LRRFIP1: variants seen among roughly 807,000 people sequenced by gnomAD.
LRRFIP1 encodes the protein leucine-rich repeat flightless-interacting protein 1.
A neutral mutation model predicts 104.4 loss-of-function variants in LRRFIP1; 62 were observed. The observed-to-expected ratio is 0.59, with a 90% confidence interval of 0.48 to 0.73. The LOEUF (loss-of-function observed/expected upper bound fraction) is 0.73. LRRFIP1 is among the 30% of genes least tolerant of loss of function. LRRFIP1 has a pLI of 0.00. For missense variants in LRRFIP1, 796 were observed against 824.5 expected, an observed-to-expected ratio of 0.97 and a Z score of 0.42; for synonymous variants, 300 against 299.0, an observed-to-expected ratio of 1.00 and a Z score of -0.03.
intron 21 of LRRFIP1, 197 bp from the exon 22 acceptor site, chr2:237,772,669 C>T (rs1441939749): frequency 1.0e-5 from 6 of 594,600 alleles, no homozygotes; most frequent in Admixed American, 3.1e-5. Flanking sequence ...AGCACAGGGG[C>T]GGAAGGCACT....
Position 237,735,521 on chromosome 2 carries a change from T to G in LRRFIP1, c.555+188T>G. 1 of 572,758 alleles carries G rather than the reference T, an allele frequency of 1.7e-6. No homozygotes were observed. Among genetic ancestry groups the G allele is most frequent in the Non-Finnish European group, 3.0e-6 (1 of 328,234 alleles). The allele number at this position is 572,758 out of a possible 1,614,324, so 35.5% of individuals were successfully genotyped here. ...TAATGTGAATCAGGAAACCTCTGGT[T>G]GTTGGTTTCATGTCCTCACTCATCA... On this transcript the variant is annotated intron_variant, in intron 10 of 23. Transcript: ENST00000308482. The surrounding 1 kb of genome is among the most constrained non-coding windows in gnomAD (Gnocchi z 4.6).
In LRRFIP1 at chr2:237,766,057, C is replaced by A; in HGVS notation, c.1460-3886C>A. 1 of 305,776 alleles carries A rather than the reference C, an allele frequency of 3.3e-6. No homozygotes were observed. Among genetic ancestry groups the A allele is most frequent in the Non-Finnish European group, 4.8e-6 (1 of 208,766 alleles). 18.9% of individuals were successfully genotyped at this position (305,776 alleles called of 1,614,324 possible). On this transcript the variant is annotated intron_variant, in intron 19 of 23. Transcript: ENST00000308482. The surrounding 1 kb of genome is among the most constrained non-coding windows in gnomAD (Gnocchi z 4.8). The stretch of plus-strand genomic sequence containing the variant: ...AAGACCCACGCCTGATGCCCTCCCT[C>A]AGTAAGGAATGCACTTCCCTCCTGG...
chr2:237,770,455 C>T (rs75184123), intron 20 of LRRFIP1: 1,940 of 165,384 alleles, frequency 0.012, 32 homozygotes, highest in African/African-American at 0.044. Flanking sequence ...TACAGCTAAA[C>T]AAAGTTGTTT....
intron 23 of LRRFIP1, 66 bp from the exon 24 acceptor site, chr2:237,779,356 A>G: frequency 6.4e-7 from 1 of 1,569,680 alleles, no homozygotes; most frequent in Non-Finnish European, 8.7e-7. Context: ...TTTCGGTAAC[A>G]CAGAACCCTG....
At chr2:237,754,823 A>T (rs3754708) in intron 15 of LRRFIP1, among the ~76,000 whole-genome samples, 33,940 of 152,050 alleles carry the variant, frequency 0.22, 4,304 homozygotes, top group East Asian at 0.53. Flanking sequence ...TGTAATGCAT[A>T]TGCATTCCTC....
chr2:237,752,315 A>T (rs1162912956), intron 14 of LRRFIP1, among the ~76,000 whole-genome samples: 1 of 152,242 alleles, frequency 6.6e-6, no homozygotes, highest in African/African-American at 2.4e-5. Context: ...CTGAGTCAGG[A>T]GAATCACTTG....
intron 1 of LRRFIP1, among the ~76,000 whole-genome samples, chr2:237,670,261 G>A (rs1178444086): frequency 6.6e-6 from 1 of 152,238 alleles, no homozygotes; most frequent in Non-Finnish European, 1.5e-5. Flanking sequence ...ACACCTCGGT[G>A]TGTCCCTTGG....
At chr2:237,700,545 A>G (rs140465051) in intron 1 of LRRFIP1, among the ~76,000 whole-genome samples, 1 of 152,314 alleles carries the variant, frequency 6.6e-6, no homozygotes, top group African/African-American at 2.4e-5. Context: ...GCGAAAATGA[A>G]TGTGTGTAAT....
intron 10 of LRRFIP1, among the ~76,000 whole-genome samples, chr2:237,736,889 G>A (rs1483087041): frequency 6.6e-6 from 1 of 152,140 alleles, no homozygotes; most frequent in Admixed American, 6.5e-5. Flanking sequence ...CCCTCCAAGT[G>A]GATACTCCGT....
At chr2:237,722,474 A>C (rs1006738951) in intron 6 of LRRFIP1, among the ~76,000 whole-genome samples, 89 of 152,176 alleles carry the variant, frequency 5.8e-4, no homozygotes, top group African/African-American at 1.9e-3. Flanking sequence ...TTCATTTTCA[A>C]TGATTTTTAA....
intron 15 of LRRFIP1, among the ~76,000 whole-genome samples, chr2:237,755,098 C>G (rs1282853760): frequency 6.6e-6 from 1 of 152,188 alleles, no homozygotes; most frequent in Non-Finnish European, 1.5e-5. Context: ...AAGGAGCGTC[C>G]TGCAGGCCTG....
intron 1 of LRRFIP1, among the ~76,000 whole-genome samples, chr2:237,675,095 C>T (rs1048952175): frequency 4.6e-5 from 7 of 152,248 alleles, no homozygotes; most frequent in Non-Finnish European, 7.3e-5. Flanking sequence ...TAGTGTTTTT[C>T]ACACGCCCAG....
Position 237,661,043 on chromosome 2 carries a change from G to T in LRRFIP1, c.96+33303G>T, listed in dbSNP as rs2087829996. ...GGCTCCAGAGGCACGCAGTCCCTGT[G>T]CCCCGAGAAACTAACATGCCATCTC... On this transcript the variant is annotated intron_variant, in intron 1 of 23. Transcript: ENST00000308482. This position sits in a 1 kb window ranked among gnomAD's most constrained non-coding sequence, Gnocchi z 4.4. Among the ~76,000 whole-genome samples, 1 of 152,150 alleles carries T rather than the reference G, an allele frequency of 6.6e-6. No homozygotes were observed. Among genetic ancestry groups the T allele is most frequent in the African/African-American group, 2.4e-5 (1 of 41,428 alleles).
chr2:237,648,954 G>T (rs1040015001), intron 1 of LRRFIP1, among the ~76,000 whole-genome samples: 2 of 151,982 alleles, frequency 1.3e-5, no homozygotes, highest in Non-Finnish European at 2.9e-5. Flanking sequence ...TGCAATGCAT[G>T]TGTCAGTCCC....
intron 19 of LRRFIP1, among the ~76,000 whole-genome samples, 156 bp downstream of exon 19, chr2:237,760,361 C>G (rs145427881): frequency 1.3e-5 from 2 of 152,216 alleles, no homozygotes; most frequent in Admixed American, 6.5e-5. Context: ...CTTGCCCACC[C>G]GGTGTGGTCA....
chr2:237,628,304 G>A (rs148053703), intron 1 of LRRFIP1, among the ~76,000 whole-genome samples: 2 of 152,226 alleles, frequency 1.3e-5, no homozygotes, highest in Non-Finnish European at 1.5e-5. Flanking sequence ...CCTGGAAACG[G>A]GTCCAGGCAC....
At chr2:237,744,858 C>T (rs1023248710) in intron 11 of LRRFIP1, among the ~76,000 whole-genome samples, 1 of 152,246 alleles carries the variant, frequency 6.6e-6, no homozygotes, top group Non-Finnish European at 1.5e-5. Flanking sequence ...CTGCGGGGTC[C>T]GGTGCTTTCC....
chr2:237,751,834 A>G (rs540110724), intron 14 of LRRFIP1, among the ~76,000 whole-genome samples: 12 of 152,188 alleles, frequency 7.9e-5, no homozygotes, highest in Non-Finnish European at 1.0e-4. Context: ...ACTTCATTGC[A>G]CCAGCCAGGA....
At chr2:237,628,749 CTG>C in intron 1 of LRRFIP1, among the ~76,000 whole-genome samples, 2 of 152,340 alleles carry the variant, frequency 1.3e-5, no homozygotes, top group South Asian at 4.1e-4. Context: ...ACTGTGGTGT[CTG>C]GCTGTATCCG....
Sources: gnomAD v4.1 joint callset for allele counts (sites outside exome capture counted in the v4.1 genomes callset) on GRCh38, gnomAD v4.1.1 for gene constraint, Gnocchi (gnomAD v3.1) non-coding constraint, MANE v1.5 for transcripts, NCBI Gene and HGNC (gene_info 2026-07-23, HGNC 2026-07-21) for gene names.